The following PSD3 variants were observed in gnomAD, a reference collection of about 807,000 sequenced individuals.
The protein encoded by PSD3 is pleckstrin and Sec7 domain containing 3.
In PSD3, 49 loss-of-function variants were observed where a neutral mutation model predicts 105.5. That is an observed-to-expected ratio of 0.46 (90% CI 0.37 to 0.59). PSD3 has a LOEUF of 0.59. Ranked by LOEUF, PSD3 falls within the 20% of genes least tolerant of loss-of-function variation. The probability of loss-of-function intolerance (pLI) is 0.00; values close to 1 mark genes in which losing one functional copy is unlikely to be tolerated. For synonymous variants in PSD3, 557 were observed against 457.8 expected, an observed-to-expected ratio of 1.22 and a Z score of -2.77; for missense variants, 1,561 against 1,263.8, an observed-to-expected ratio of 1.24 and a Z score of -3.57.
intron 1 of PSD3, among the ~76,000 whole-genome samples, chr8:18,937,925 G>T (rs941346236): frequency 6.6e-5 from 10 of 152,092 alleles, no homozygotes; most frequent in Non-Finnish European, 1.3e-4. Flanking sequence ...CATACGCATG[G>T]CCTTAAGGAA....
intron 11 of PSD3, among the ~76,000 whole-genome samples, chr8:18,620,357 T>C (rs1219074965): frequency 1.3e-5 from 2 of 150,598 alleles, no homozygotes; most frequent in African/African-American, 4.9e-5. Flanking sequence ...TTTTTTTTTT[T>C]TTTCCCCAGG....
At chr8:18,687,240 G>C (rs116963507) in intron 9 of PSD3, among the ~76,000 whole-genome samples, 2,666 of 152,276 alleles carry the variant, frequency 0.018, 85 homozygotes, top group East Asian at 0.068. Context: ...AAGGCGGGCG[G>C]ATCACATGAG....
rs185206944 is a variant in PSD3 at position 18,551,904 on chromosome 8, G to A, written c.2928+4305C>T. ...CATATAAAACTGGCTGCAGCCTCTA[G>A]TACAGGGTTTGCAAACTCAAAAGCC... On this transcript the variant is annotated intron_variant, in intron 15 of 15. Transcript: ENST00000327040. Among the ~76,000 whole-genome samples the A allele has an allele frequency of 6.6e-5, 10 of 152,238 alleles. No homozygotes were observed. In the East Asian group the frequency reaches 1.7e-3, roughly 26 times the overall value.
chr8:18,694,119 A>C (rs1801131027), intron 9 of PSD3, among the ~76,000 whole-genome samples: 1 of 152,170 alleles, frequency 6.6e-6, no homozygotes, highest in Admixed American at 6.5e-5. Context: ...AAGATTAAGA[A>C]GACACTGGTA....
At chr8:18,763,822 C>T (rs1487745) in intron 9 of PSD3, among the ~76,000 whole-genome samples, 37,623 of 151,926 alleles carry the variant, frequency 0.25, 7,241 homozygotes, top group African/African-American at 0.51. Context: ...AGAATCAATA[C>T]TTCACTTGAC....
At chr8:18,888,089 A>T (rs1818553459) in intron 2 of PSD3, among the ~76,000 whole-genome samples, 1 of 152,194 alleles carries the variant, frequency 6.6e-6, no homozygotes, top group African/African-American at 2.4e-5. Context: ...AAGTGCCTCC[A>T]GGGGGATTCC....
chr8:18,571,634 C>T (rs116597910), intron 14 of PSD3, among the ~76,000 whole-genome samples: 17 of 152,338 alleles, frequency 1.1e-4, no homozygotes, highest in Middle Eastern at 6.8e-3. Context: ...AAAATAGTCT[C>T]TGATGTACAA....
intron 8 of PSD3, among the ~76,000 whole-genome samples, chr8:18,783,581 T>C (rs75232736): frequency 0.013 from 1,943 of 152,352 alleles, 25 homozygotes; most frequent in Non-Finnish European, 0.023. Context: ...AATTTGCAAT[T>C]TGGCAATTCA....
At chr8:18,877,539 C>CTTTTTTTTTTT (rs61667418) in intron 2 of PSD3, among the ~76,000 whole-genome samples, 5 of 138,134 alleles carry the variant, frequency 3.6e-5, no homozygotes, top group Non-Finnish European at 1.5e-5. Context: ...AGATGCCTAT[C>CTTTTTTTTTTT]TTTTTTTTTT....
chr8:18,624,927 T>A (rs190589231), intron 11 of PSD3, among the ~76,000 whole-genome samples: 1 of 152,130 alleles, frequency 6.6e-6, no homozygotes, highest in East Asian at 1.9e-4. Flanking sequence ...GTAGAGATGA[T>A]GTCTTGCTAT....
At chr8:19,068,587 A>G (rs1015748920) in intron 1 of PSD3, among the ~76,000 whole-genome samples, 1 of 152,066 alleles carries the variant, frequency 6.6e-6, no homozygotes, top group Non-Finnish European at 1.5e-5. Flanking sequence ...CATTATGCTC[A>G]TCTTCCTCTT....
At chr8:18,571,219 GACAA>G (rs1177582917) in intron 14 of PSD3, among the ~76,000 whole-genome samples, 1 of 152,048 alleles carries the variant, frequency 6.6e-6, no homozygotes, top group African/African-American at 2.4e-5. Flanking sequence ...TCCTACACAC[GACAA>G]ACAAGGCCTT....
chr8:18,728,825 T>C (rs1485039356), intron 9 of PSD3, among the ~76,000 whole-genome samples: 1 of 151,560 alleles, frequency 6.6e-6, no homozygotes, highest in Admixed American at 6.6e-5. Flanking sequence ...TATAAAACTT[T>C]TGAAAAAAAA....
At chr8:19,074,611 A>ATATATATATATT (rs1324257417) in intron 1 of PSD3, among the ~76,000 whole-genome samples, 15 of 24,176 alleles carry the variant, frequency 6.2e-4, no homozygotes, top group South Asian at 1.6e-3. Context: ...ATATATATAT[A>ATATATATATATT]TTTTTTTTTT....
chr8:18,635,473 T>C (rs1807184874), intron 10 of PSD3, among the ~76,000 whole-genome samples: 1 of 152,092 alleles, frequency 6.6e-6, no homozygotes, highest in South Asian at 2.1e-4. Context: ...AAAAATCCCA[T>C]TGTCTAACAC....
At chr8:18,820,259 T>C (rs1021113477) in intron 4 of PSD3, among the ~76,000 whole-genome samples, 1 of 150,624 alleles carries the variant, frequency 6.6e-6, no homozygotes, top group African/African-American at 2.4e-5. Context: ...GCAGAAAATA[T>C]ATGAAAATAT....
intron 11 of PSD3, among the ~76,000 whole-genome samples, chr8:18,624,106 G>A (rs1011064370): frequency 1.3e-4 from 20 of 152,156 alleles, no homozygotes; most frequent in Admixed American, 3.3e-4. Context: ...GTAACACTAA[G>A]AGTTTTTATA....
At chr8:18,728,176 C>A (rs1164889577) in intron 9 of PSD3, among the ~76,000 whole-genome samples, 1 of 152,150 alleles carries the variant, frequency 6.6e-6, no homozygotes, top group African/African-American at 2.4e-5. Flanking sequence ...TCAGCCTTCA[C>A]TGATTTCTCT....
At chr8:18,566,144 T>C (rs1370818310) in intron 14 of PSD3, among the ~76,000 whole-genome samples, 3 of 152,130 alleles carry the variant, frequency 2.0e-5, no homozygotes, top group Non-Finnish European at 4.4e-5. Flanking sequence ...ACATGCTTAA[T>C]TTTACATATG....
Sources: allele counts gnomAD v4.1 joint callset (sites outside exome capture counted in the v4.1 genomes callset), GRCh38; gene constraint gnomAD v4.1.1; transcripts MANE v1.5; gene names NCBI Gene and HGNC (gene_info 2026-07-23, HGNC 2026-07-21).